Variants in LRRC4C observed in about 807,000 individuals in gnomAD.
The protein encoded by LRRC4C is leucine-rich repeat-containing protein 4C.
A neutral mutation model predicts 33.6 loss-of-function variants in LRRC4C; 5 were observed. That is an observed-to-expected ratio of 0.15 (90% CI 0.08 to 0.31). LRRC4C has a LOEUF of 0.31. Among genes scored for constraint, LRRC4C ranks in the 10% least tolerant of loss-of-function variants. The pLI is 1.00. For missense variants in LRRC4C, 560 were observed against 796.7 expected, an observed-to-expected ratio of 0.70 and a Z score of 3.58; for synonymous variants, 329 against 302.0, an observed-to-expected ratio of 1.09 and a Z score of -0.93.
At chr11:41,229,811 C>A (rs919536991) in intron 1 of LRRC4C, among the ~76,000 whole-genome samples, 8 of 152,042 alleles carry the variant, frequency 5.3e-5, no homozygotes, top group Non-Finnish European at 8.8e-5. Context: ...ATTGTTTCCC[C>A]CTGATAACTC....
intron 1 of LRRC4C, among the ~76,000 whole-genome samples, chr11:40,999,325 T>C (rs1395613620): frequency 2.0e-5 from 3 of 152,142 alleles, no homozygotes; most frequent in Non-Finnish European, 4.4e-5. Flanking sequence ...ATGGAAACTT[T>C]GACAAAGGTA....
chr11:40,651,625 A>G (rs949606476), intron 2 of LRRC4C, among the ~76,000 whole-genome samples: 1 of 152,212 alleles, frequency 6.6e-6, no homozygotes, highest in Admixed American at 6.5e-5. Flanking sequence ...TAGTGCATCA[A>G]TGGAAAACTA....
At chr11:40,419,199 C>T (rs535284097) in intron 3 of LRRC4C, among the ~76,000 whole-genome samples, 1 of 151,768 alleles carries the variant, frequency 6.6e-6, no homozygotes, top group South Asian at 2.1e-4. Flanking sequence ...TGTCAAAAGG[C>T]CTAAAATATG....
At position 41,424,638 on chromosome 11, in the gene LRRC4C, G is replaced by A. The variant is rs16935701; in HGVS notation, c.-496+34793C>T. Among the ~76,000 whole-genome samples the A allele has an allele frequency of 7.0e-4, 106 of 152,124 alleles. 1 individual carries two copies. The highest frequency in any genetic ancestry group is 1.6e-3 in the Admixed American group (24 of 15,262). ...GATGGAGTACATTGATAAAGCAAAA[G>A]CAAATCGAGATTTGACAGAAGATAC... is the stretch of plus-strand genomic sequence containing the variant. On this transcript the variant is annotated intron_variant, in intron 1 of 6. Transcript: ENST00000528697.
At chr11:40,136,368 G>T (rs929122235) in intron 6 of LRRC4C, among the ~76,000 whole-genome samples, 1 of 151,710 alleles carries the variant, frequency 6.6e-6, no homozygotes, top group Middle Eastern at 3.2e-3. Context: ...CTGGGTTCAC[G>T]CCATTCTCCT....
chr11:41,119,040 G>A (rs777118853), intron 1 of LRRC4C, among the ~76,000 whole-genome samples: 17 of 151,948 alleles, frequency 1.1e-4, no homozygotes, highest in African/African-American at 4.1e-4. Context: ...CAAGAGAAGT[G>A]TAAAGGGTAC....
At chr11:41,379,281 A>G (rs1450943199) in intron 1 of LRRC4C, among the ~76,000 whole-genome samples, 1 of 152,154 alleles carries the variant, frequency 6.6e-6, no homozygotes, top group Non-Finnish European at 1.5e-5. Context: ...GTTGTACAGT[A>G]GAGTTATTGC....
chr11:40,460,658 A>C (rs984986706), intron 3 of LRRC4C, among the ~76,000 whole-genome samples: 20 of 152,296 alleles, frequency 1.3e-4, no homozygotes, highest in African/African-American at 4.6e-4. Flanking sequence ...CAATTTCATA[A>C]TTTTTGAAGG....
At chr11:41,275,510 T>G (rs1161131567) in intron 1 of LRRC4C, among the ~76,000 whole-genome samples, 4 of 152,206 alleles carry the variant, frequency 2.6e-5, no homozygotes, top group African/African-American at 9.6e-5. Context: ...TGTTGTTGTT[T>G]AAATTAATTA....
chr11:40,204,943 G>A (rs2135761158), intron 5 of LRRC4C, among the ~76,000 whole-genome samples: 1 of 152,312 alleles, frequency 6.6e-6, no homozygotes, highest in East Asian at 1.9e-4. Flanking sequence ...CATCAACCCT[G>A]ACCTTAGACA....
intron 1 of LRRC4C, among the ~76,000 whole-genome samples, chr11:41,305,328 G>T (rs1224658696): frequency 1.9e-5 from 1 of 52,644 alleles, no homozygotes; most frequent in Admixed American, 2.7e-4. Context: ...GGGAGGTGAG[G>T]GGCGCCTCTG....
intron 4 of LRRC4C, among the ~76,000 whole-genome samples, chr11:40,280,982 A>G (rs1943434454): frequency 6.6e-6 from 1 of 152,120 alleles, no homozygotes; most frequent in Non-Finnish European, 1.5e-5. Flanking sequence ...TGGTAGAGGG[A>G]CTTGAGAACA....
intron 1 of LRRC4C, among the ~76,000 whole-genome samples, chr11:41,141,900 T>C (rs1408560255): frequency 6.6e-6 from 1 of 152,056 alleles, no homozygotes. Flanking sequence ...TTAGGTACAA[T>C]ATGAGGTTAA....
At chr11:41,168,014 G>A (rs1224480089) in intron 1 of LRRC4C, among the ~76,000 whole-genome samples, 3 of 152,150 alleles carry the variant, frequency 2.0e-5, no homozygotes, top group Admixed American at 6.6e-5. Context: ...CATCAGGGCA[G>A]CATGGTTCTG....
rs187115922 is a variant in LRRC4C at position 40,372,840 on chromosome 11, G to A, written c.-269-53119C>T. ...GCCACATGGTGGAATTGAATATCTG[G>A]CCCTGATACGACTGGTTAGAGCATA... On this transcript the variant is annotated intron_variant, in intron 3 of 6. Transcript: ENST00000528697. Among the ~76,000 whole-genome samples, 613 of 152,200 alleles carry A rather than the reference G, an allele frequency of 4.0e-3. 3 individuals are homozygous for A. The highest frequency in any genetic ancestry group is 0.014 in the Middle Eastern group (4 of 294).
intron 1 of LRRC4C, among the ~76,000 whole-genome samples, chr11:41,216,656 G>A (rs1344385729): frequency 6.6e-6 from 1 of 152,030 alleles, no homozygotes; most frequent in Non-Finnish European, 1.5e-5. Context: ...TTTCTCTTCT[G>A]GGCAATGTTA....
intron 2 of LRRC4C, among the ~76,000 whole-genome samples, chr11:40,841,372 C>G (rs1223647320): frequency 6.6e-6 from 1 of 152,150 alleles, no homozygotes; most frequent in Non-Finnish European, 1.5e-5. Flanking sequence ...TCTCCCCATA[C>G]CAATTCATAT....
intron 1 of LRRC4C, among the ~76,000 whole-genome samples, chr11:41,222,360 C>A (rs1406009666): frequency 6.6e-6 from 1 of 152,100 alleles, no homozygotes; most frequent in Non-Finnish European, 1.5e-5. Context: ...GCTGACACTT[C>A]CTCTCCCCCA....
intron 6 of LRRC4C, among the ~76,000 whole-genome samples, chr11:40,138,021 A>G (rs1857102973): frequency 1.3e-5 from 2 of 152,196 alleles, no homozygotes; most frequent in Admixed American, 1.3e-4. Flanking sequence ...CAACAACCCC[A>G]TGAAGAACAT....
Sources: gnomAD v4.1 joint callset for allele counts (sites outside exome capture counted in the v4.1 genomes callset) on GRCh38, gnomAD v4.1.1 for gene constraint, MANE v1.5 for transcripts, NCBI Gene and HGNC (gene_info 2026-07-23, HGNC 2026-07-21) for gene names.